Variants in SLCO3A1 observed in about 807,000 individuals in gnomAD.
SLCO3A1 encodes the protein solute carrier organic anion transporter family member 3A1.
SLCO3A1 carries 27 observed loss-of-function variants against 63.1 expected under a neutral mutation model. The observed-to-expected ratio is 0.43, with a 90% CI of 0.32 to 0.59. The LOEUF (loss-of-function observed/expected upper bound fraction) is 0.59, where lower values mean the gene tolerates loss of function less well. SLCO3A1 is among the 20% of genes least tolerant of loss of function. The pLI is 0.09. For missense variants in SLCO3A1, 773 were observed against 945.8 expected, an observed-to-expected ratio of 0.82 and a Z score of 2.40; for synonymous variants, 473 against 409.9, an observed-to-expected ratio of 1.15 and a Z score of -1.86.
At chr15:92,021,617 T>C (rs2046510138) in intron 2 of SLCO3A1, among the ~76,000 whole-genome samples, 2 of 152,200 alleles carry the variant, frequency 1.3e-5, no homozygotes, top group African/African-American at 4.8e-5. Flanking sequence ...AATAGTTTTA[T>C]TGGAGACTTG....
exon 11 of SLCO3A1, chr15:92,172,260 C>T (rs2048525801): frequency 5.7e-6 from 1 of 176,978 alleles, no homozygotes; most frequent in African/African-American, 2.4e-5. Context: ...AGGGTAAAAA[C>T]CAACCTGTTG....
intron 5 of SLCO3A1, among the ~76,000 whole-genome samples, chr15:92,125,728 A>G (rs917608649): frequency 1.3e-5 from 2 of 151,766 alleles, no homozygotes; most frequent in Admixed American, 6.6e-5. Flanking sequence ...TCCCGAAGGC[A>G]TGTCTGTGTT....
intron 2 of SLCO3A1, among the ~76,000 whole-genome samples, chr15:92,094,000 C>T (rs2047509004): frequency 6.6e-6 from 1 of 152,158 alleles, no homozygotes; most frequent in Non-Finnish European, 1.5e-5. Context: ...AAGGGAAGGG[C>T]CACTTTCTGG....
chr15:92,074,805 G>A (rs28589439), intron 2 of SLCO3A1, among the ~76,000 whole-genome samples: 4,779 of 152,240 alleles, frequency 0.031, 163 homozygotes, highest in African/African-American at 0.087. Context: ...GAGCTGACAT[G>A]GCTTTCTGGT....
In SLCO3A1 at chr15:91,967,587, G is replaced by A. The variant is rs1252729297; in HGVS notation, c.646+51129G>A. Reference sequence around the variant, plus strand: ...ATATAATAAAAATCAATATGGATAAGACACCTATTACACAGATAATCCCAT... The same window carrying A: ...ATATAATAAAAATCAATATGGATAAAACACCTATTACACAGATAATCCCAT... On this transcript the variant is annotated intron_variant, in intron 2 of 9. Transcript: ENST00000318445. The surrounding 1 kb of genome is among the most constrained non-coding windows in gnomAD (Gnocchi z 4.4). Among the ~76,000 whole-genome samples, 1 of 152,202 alleles carries A rather than the reference G, an allele frequency of 6.6e-6. No homozygotes were observed. The highest frequency in any genetic ancestry group is 1.5e-5 in the Non-Finnish European group (1 of 68,034).
chr15:92,028,690 CA>C (rs2046606487), intron 2 of SLCO3A1, among the ~76,000 whole-genome samples: 1 of 152,094 alleles, frequency 6.6e-6, no homozygotes, highest in African/African-American at 2.4e-5. Flanking sequence ...GTTTAAAAAG[CA>C]AAGTAGATTT....
chr15:91,952,376 G>A (rs1323733112), intron 2 of SLCO3A1, among the ~76,000 whole-genome samples: 1 of 152,228 alleles, frequency 6.6e-6, no homozygotes, highest in Non-Finnish European at 1.5e-5. Flanking sequence ...GCCACAAAGG[G>A]TAGTGCTCTG....
At chr15:91,996,373 T>C (rs1476772166) in intron 2 of SLCO3A1, among the ~76,000 whole-genome samples, 1 of 152,132 alleles carries the variant, frequency 6.6e-6, no homozygotes, top group African/African-American at 2.4e-5. Context: ...ATATACCATA[T>C]TCATGGATGG....
In SLCO3A1 at chr15:91,863,379, AAGGTTGGCTTTCG is replaced by A. The variant is rs1465302047; in HGVS notation, c.180+9298_180+9310del. 6.6e-6 allele frequency among the ~76,000 whole-genome samples: 1 copy of A among 152,176 alleles called. No homozygotes were observed. The highest frequency in any genetic ancestry group is 1.5e-5 in the Non-Finnish European group (1 of 68,018). ...GGGTGGTGGAGGGCAGGGCCCCCTTAAGGTTGGCTTTCGAGGTTGCTCGTGCAGTGTAGTGGGA... is the reference window on the plus strand; with the variant it reads ...GGGTGGTGGAGGGCAGGGCCCCCTTAAGGTTGCTCGTGCAGTGTAGTGGGA... On this transcript the variant is annotated intron_variant, in intron 1 of 9. Transcript: ENST00000318445. This position sits in a 1 kb window ranked among gnomAD's most constrained non-coding sequence, Gnocchi z 4.3.
intron 8 of SLCO3A1, chr15:92,148,761 C>T (rs889505487): frequency 2.0e-5 from 3 of 152,046 alleles, no homozygotes; most frequent in African/African-American, 7.3e-5. Context: ...TCAATGCAGA[C>T]AAATTTTTAT....
Position 91,856,767 on chromosome 15 carries a change from G to C in SLCO3A1, c.180+2679G>C, listed in dbSNP as rs1346372259. Among the ~76,000 whole-genome samples the C allele has an allele frequency of 2.0e-5, 3 of 152,152 alleles. No individual in the cohort carries two copies. The East Asian group carries it at 5.8e-4, about 29-fold the overall frequency. ...TTGAGGAAGGACTTGCCTTGGGACA[G>C]TGCCAGTAATGCTCCCTTTCACAGA... On this transcript the variant is annotated intron_variant, in intron 1 of 9. Coordinates refer to ENST00000318445, the MANE Select transcript of SLCO3A1 (RefSeq NM_013272.4). The surrounding 1 kb of genome is among the most constrained non-coding windows in gnomAD (Gnocchi z 4.9).
chr15:92,159,567 G>GTGTT (rs2048411885), intron 9 of SLCO3A1, among the ~76,000 whole-genome samples: 1 of 137,874 alleles, frequency 7.3e-6, no homozygotes, highest in Admixed American at 7.2e-5. Flanking sequence ...ACTTTGGTAG[G>GTGTT]TTTTTTTTTT....
Position 92,126,071 on chromosome 15 carries a change from G to A in SLCO3A1, c.1185G>A (p.Ala395=), listed in dbSNP as rs762980183. The part of the protein sequence containing the change: ...SSANQLLGMT[A]IPCACLGIFL... Reference sequence around the variant, plus strand: ...CTATTTTCCTTCCAGGGATGACTGCGATCCCGTGTGCTTGTCTGGGTATCT... The same window carrying A: ...CTATTTTCCTTCCAGGGATGACTGCAATCCCGTGTGCTTGTCTGGGTATCT... The change falls in exon 6 of 10, where the codon GCG becomes GCA. Residue 395 remains alanine, a synonymous_variant. Coordinates refer to ENST00000318445, the MANE Select transcript of SLCO3A1 (RefSeq NM_013272.4). 53 of 1,613,596 alleles carry A rather than the reference G, an allele frequency of 3.3e-5. No homozygotes were observed. Among genetic ancestry groups the A allele is most frequent in the Admixed American group, 1.7e-4 (10 of 59,974 alleles).
chr15:92,151,949 G>C (rs897000143), intron 9 of SLCO3A1, among the ~76,000 whole-genome samples: 6 of 152,330 alleles, frequency 3.9e-5, no homozygotes, highest in African/African-American at 1.4e-4. Flanking sequence ...CAGACAATTA[G>C]TTAAATCAGT....
chr15:92,111,385 C>A (rs1449719748), intron 4 of SLCO3A1, among the ~76,000 whole-genome samples: 1 of 152,196 alleles, frequency 6.6e-6, no homozygotes, highest in African/African-American at 2.4e-5. Flanking sequence ...ACCAGCTGAG[C>A]ACTTTTTTTT....
At position 91,942,006 on chromosome 15, in the gene SLCO3A1, C is replaced by G. The variant is rs1899639922; in HGVS notation, c.646+25548C>G. Among the ~76,000 whole-genome samples, 1 of 152,218 alleles carries G rather than the reference C, an allele frequency of 6.6e-6. No individual in the cohort carries two copies. The highest frequency in any genetic ancestry group is 2.4e-5 in the African/African-American group (1 of 41,448). On this transcript the variant is annotated intron_variant, in intron 2 of 9. Transcript: ENST00000318445. The surrounding 1 kb of genome is among the most constrained non-coding windows in gnomAD (Gnocchi z 4.1). ...CCCATCCACGACAAAAATGAGAGAA[C>G]AGTACAAGGTGGAGAGTTTGTCATA...
At chr15:91,864,325 A>G (rs1350683846) in intron 1 of SLCO3A1, among the ~76,000 whole-genome samples, 1 of 152,220 alleles carries the variant, frequency 6.6e-6, no homozygotes, top group East Asian at 1.9e-4. Context: ...CTCCGGAGCC[A>G]GCTCACATTC....
At chr15:92,150,799 A>C in intron 8 of SLCO3A1, 151 bp from the exon 9 acceptor site, 1 of 509,328 alleles carries the variant, frequency 2.0e-6, no homozygotes, top group Non-Finnish European at 3.4e-6. Context: ...GAAAAAAAAA[A>C]AGACACTATT....
chr15:92,037,446 T>A (rs2046742194), intron 2 of SLCO3A1, among the ~76,000 whole-genome samples: 1 of 152,194 alleles, frequency 6.6e-6, no homozygotes, highest in Non-Finnish European at 1.5e-5. Flanking sequence ...CTTCTTTTAA[T>A]GAAAAGCCCA....
Sources: gnomAD v4.1 joint callset for allele counts (sites outside exome capture counted in the v4.1 genomes callset) on GRCh38, gnomAD v4.1.1 for gene constraint, Gnocchi (gnomAD v3.1) non-coding constraint, MANE v1.5 for transcripts, NCBI Gene and HGNC (gene_info 2026-07-23, HGNC 2026-07-21) for gene names.